Variants in CSMD3 observed in about 807,000 individuals in gnomAD.
The protein encoded by CSMD3 is CUB and Sushi multiple domains 3.
A neutral mutation model predicts 435.2 loss-of-function variants in CSMD3; 177 were observed. The observed-to-expected ratio is 0.41, with a 90% CI of 0.36 to 0.46. The LOEUF is 0.46. Among genes scored for constraint, CSMD3 ranks in the 20% least tolerant of loss-of-function variants. CSMD3 has a pLI of 0.34. For synonymous variants in CSMD3, 1,656 were observed against 1,520.5 expected, an observed-to-expected ratio of 1.09 and a Z score of -2.07; for missense variants, 4,265 against 4,504.6, an observed-to-expected ratio of 0.95 and a Z score of 1.52.
At chr8:112,632,553 C>T (rs959427164) in intron 22 of CSMD3, among the ~76,000 whole-genome samples, 2 of 152,024 alleles carry the variant, frequency 1.3e-5, no homozygotes, top group African/African-American at 2.4e-5. Flanking sequence ...ATTTAACTTG[C>T]TAATCTACTT....
At chr8:112,923,831 A>G (rs1346603597) in intron 9 of CSMD3, among the ~76,000 whole-genome samples, 2 of 152,160 alleles carry the variant, frequency 1.3e-5, no homozygotes, top group East Asian at 1.9e-4. Context: ...ATTGGTTGCT[A>G]TCATATAAGA....
At chr8:112,699,199 G>A (rs985109758) in intron 13 of CSMD3, among the ~76,000 whole-genome samples, 19 of 152,050 alleles carry the variant, frequency 1.2e-4, no homozygotes, top group African/African-American at 2.7e-4. Flanking sequence ...CTTCGGGTCC[G>A]CAGTACCTTT....
intron 68 of CSMD3, among the ~76,000 whole-genome samples, chr8:112,232,767 T>C (rs1813214743): frequency 6.6e-6 from 1 of 152,138 alleles, no homozygotes; most frequent in Admixed American, 6.6e-5. Flanking sequence ...GGTCAATGGA[T>C]TTGAGCTTAT....
rs2086584330 is a variant in CSMD3, at chr8:113,019,079, C to T, written c.1018G>A (p.Ala340Thr). ...TCCATAAGTATACCTTGATAGGGAG[C>T]ACTAAATCCACGGTATCGATGATTG... ...DSNHRYRGFS[A>T]PYQGSSTLTH... The change falls in exon 6 of 71, where the codon GCT (alanine) becomes ACT (threonine). Residue 340 changes from alanine to threonine, a missense_variant. By Grantham distance (58) the Ala-to-Thr change is moderately conservative. Coordinates refer to ENST00000297405, the MANE Select transcript of CSMD3 (RefSeq NM_198123.2). 6.2e-7 allele frequency: 1 copy of T among 1,604,342 alleles called. No individual in the cohort carries two copies. The highest frequency in any genetic ancestry group is 1.7e-5 in the Admixed American group (1 of 59,992).
rs1292375770 is a variant in CSMD3 at position 112,492,435 on chromosome 8, T to G, written c.5278+54A>C. ...TCTGAAACACAGAAATGTCTTTAAA[T>G]ATTTTTTGATTTTTTCTAATCATGA... On this transcript the variant is annotated intron_variant, in intron 31 of 70. Coordinates refer to ENST00000297405, the MANE Select transcript of CSMD3 (RefSeq NM_198123.2). 2.2e-6 allele frequency: 3 copies of G among 1,386,954 alleles called. No homozygotes were observed. In the African/African-American group the frequency reaches 4.3e-5, roughly 20 times the overall value. The allele number at this position is 1,386,954 out of a possible 1,614,324, so 85.9% of individuals were successfully genotyped here.
chr8:113,299,543 G>A, intron 2 of CSMD3, among the ~76,000 whole-genome samples: 1 of 152,076 alleles, frequency 6.6e-6, no homozygotes, highest in East Asian at 1.9e-4. Flanking sequence ...AGAGAAAGTG[G>A]CTAGAAAAAC....
chr8:113,289,546 GA>G (rs974839331), intron 2 of CSMD3, among the ~76,000 whole-genome samples: 5 of 72,936 alleles, frequency 6.9e-5, no homozygotes, highest in African/African-American at 2.3e-4. Flanking sequence ...AAGACAGACA[GA>G]GAGAGACAGA....
At chr8:113,165,706 T>A (rs561938003) in intron 4 of CSMD3, among the ~76,000 whole-genome samples, 1 of 152,192 alleles carries the variant, frequency 6.6e-6, no homozygotes, top group East Asian at 1.9e-4. Context: ...GGTCTCTTTA[T>A]CGTCAAAGAA....
intron 1 of CSMD3, among the ~76,000 whole-genome samples, chr8:113,427,572 C>A (rs546462979): frequency 3.3e-5 from 5 of 151,450 alleles, no homozygotes; most frequent in Admixed American, 1.3e-4. Context: ...CACTCTCTAG[C>A]TTGGCAAGTC....
intron 24 of CSMD3, among the ~76,000 whole-genome samples, chr8:112,557,412 G>A (rs1186651751): frequency 2.0e-5 from 3 of 151,922 alleles, no homozygotes. Context: ...TTTCTATAAT[G>A]AAGTTGTTCC....
intron 11 of CSMD3, among the ~76,000 whole-genome samples, chr8:112,857,849 T>A (rs1438469249): frequency 6.6e-6 from 1 of 151,574 alleles, no homozygotes; most frequent in East Asian, 1.9e-4. Context: ...TTTTTTTTCC[T>A]CAACAACCAA....
In CSMD3 at chr8:112,319,990, A is replaced by G. The variant is rs1822841225; in HGVS notation, c.7166-9T>C. 1 of 1,594,176 alleles carries G rather than the reference A, an allele frequency of 6.3e-7. No homozygotes were observed. The highest frequency in any genetic ancestry group is 8.6e-7 in the Non-Finnish European group (1 of 1,162,186). ...CACCCTTAGTTGATAGGCTACAAAA[A>G]TAAACAAAGTGTTTATTCCTTTTCT... On this transcript the variant is annotated splice_polypyrimidine_tract_variant and intron_variant, in intron 45 of 70. Transcript: ENST00000297405.
intron 32 of CSMD3, among the ~76,000 whole-genome samples, chr8:112,462,366 A>G (rs912299914): frequency 6.6e-6 from 1 of 152,234 alleles, no homozygotes; most frequent in Non-Finnish European, 1.5e-5. Context: ...GTTTAAACAA[A>G]TTGTTGTAAA....
At chr8:113,086,290 C>T (rs190137093) in intron 5 of CSMD3, among the ~76,000 whole-genome samples, 26 of 150,950 alleles carry the variant, frequency 1.7e-4, no homozygotes, top group African/African-American at 5.3e-4. Flanking sequence ...ATCAAAAATT[C>T]CTGATAACGC....
intron 70 of CSMD3, among the ~76,000 whole-genome samples, chr8:112,227,336 C>G (rs1812666069): frequency 6.6e-6 from 1 of 152,130 alleles, no homozygotes; most frequent in South Asian, 2.1e-4. Flanking sequence ...TTGTATGATT[C>G]CATTTACGTA....
chr8:112,359,880 T>C (rs1464859649), intron 38 of CSMD3, among the ~76,000 whole-genome samples: 1 of 152,070 alleles, frequency 6.6e-6, no homozygotes, highest in African/African-American at 2.4e-5. Context: ...TTGGTTACTA[T>C]TAAATTGTGA....
intron 40 of CSMD3, among the ~76,000 whole-genome samples, chr8:112,348,293 T>C (rs543675933): frequency 6.6e-6 from 1 of 152,378 alleles, no homozygotes; most frequent in Admixed American, 6.5e-5. Flanking sequence ...GGGACAACCA[T>C]ACCTTAGTCT....
chr8:112,249,165 T>A (rs1212678214), intron 63 of CSMD3, among the ~76,000 whole-genome samples: 4 of 152,110 alleles, frequency 2.6e-5, no homozygotes, highest in Non-Finnish European at 4.4e-5. Context: ...GTTAATAGTG[T>A]CACTTGTCAC....
chr8:112,848,908 T>C (rs2080404075), intron 11 of CSMD3, among the ~76,000 whole-genome samples: 1 of 152,140 alleles, frequency 6.6e-6, no homozygotes, highest in Non-Finnish European at 1.5e-5. Context: ...ACCTCCTTCA[T>C]TAATTCACCT....
Sources: gnomAD v4.1 joint callset for allele counts (sites outside exome capture counted in the v4.1 genomes callset) on GRCh38, gnomAD v4.1.1 for gene constraint, MANE v1.5 for transcripts, NCBI Gene and HGNC (gene_info 2026-07-23, HGNC 2026-07-21) for gene names.